The following KCNT2 variants were observed in gnomAD, a reference collection of about 807,000 sequenced individuals.
The protein encoded by KCNT2 is potassium channel subfamily T member 2.
A neutral mutation model predicts 153.8 loss-of-function variants in KCNT2; 67 were observed. That is an observed-to-expected ratio of 0.44 (90% CI 0.36 to 0.53). The LOEUF is 0.53. Among genes scored for constraint, KCNT2 ranks in the 20% least tolerant of loss-of-function variants. The pLI, the probability that KCNT2 is intolerant of heterozygous loss-of-function variation, is 0.00. For missense variants in KCNT2, 975 were observed against 1,354.8 expected, an observed-to-expected ratio of 0.72 and a Z score of 4.40; for synonymous variants, 500 against 458.8, an observed-to-expected ratio of 1.09 and a Z score of -1.15.
chr1:196,449,738 G>A (rs1012170393), intron 8 of KCNT2, among the ~76,000 whole-genome samples: 1 of 151,366 alleles, frequency 6.6e-6, no homozygotes, highest in Non-Finnish European at 1.5e-5. Context: ...TCATTATAAG[G>A]ACTCTATACT....
intron 26 of KCNT2, among the ~76,000 whole-genome samples, chr1:196,246,104 A>G (rs537211885): frequency 5.8e-4 from 89 of 152,302 alleles, no homozygotes; most frequent in Admixed American, 2.6e-3. Flanking sequence ...AGCAAGAGAA[A>G]AGAAACAACA....
At chr1:196,326,238 C>G (rs1048867240) in intron 19 of KCNT2, among the ~76,000 whole-genome samples, 3 of 151,968 alleles carry the variant, frequency 2.0e-5, no homozygotes, top group African/African-American at 7.2e-5. Context: ...TCTATTATGT[C>G]ATAGAATGTA....
chr1:196,353,100 A>G (rs1171293042), intron 14 of KCNT2, among the ~76,000 whole-genome samples: 1 of 151,936 alleles, frequency 6.6e-6, no homozygotes, highest in East Asian at 1.9e-4. Flanking sequence ...CTCACGCGCA[A>G]GAGTATGGGC....
chr1:196,429,503 T>C, intron 9 of KCNT2, 74 bp downstream of exon 9: 2 of 977,220 alleles, frequency 2.0e-6, no homozygotes, highest in Non-Finnish European at 2.9e-6. Context: ...CCACTTTCCA[T>C]TTCTTATTAA....
rs747959439 is a variant in KCNT2, at chr1:196,342,165, G to A, written c.1467C>T (p.Val489=). 8 of 1,611,674 alleles carry A rather than the reference G, an allele frequency of 5.0e-6. No individual in the cohort carries two copies. Among genetic ancestry groups the A allele is most frequent in the Non-Finnish European group, 5.9e-6 (7 of 1,178,984 alleles). ...TACTTTCTTCCAAAACAATGTGGTA[G>A]ACTTCATTCCCGGAGCATCTACCGT... ...KMYGRCSGNE[V]YHIVLEESTF... Residue 489 remains valine (V), a synonymous_variant, in exon 15 of 28, where the codon GTC becomes GTT. Coordinates refer to ENST00000294725, the MANE Select transcript of KCNT2 (RefSeq NM_198503.5).
intron 1 of KCNT2, among the ~76,000 whole-genome samples, chr1:196,501,836 G>C (rs932356699): frequency 1.3e-5 from 2 of 152,094 alleles, no homozygotes; most frequent in African/African-American, 4.8e-5. Flanking sequence ...AGGTAGTTTT[G>C]GGCCGGGAGC....
chr1:196,375,712 A>G (rs1011560925), intron 13 of KCNT2, among the ~76,000 whole-genome samples: 4 of 151,674 alleles, frequency 2.6e-5, no homozygotes, highest in Non-Finnish European at 5.9e-5. Context: ...TCTGAATTTC[A>G]TTTCAAAATA....
At chr1:196,461,206 T>A (rs1677120339) in intron 8 of KCNT2, among the ~76,000 whole-genome samples, 1 of 149,948 alleles carries the variant, frequency 6.7e-6, no homozygotes, top group South Asian at 2.1e-4. Context: ...AAGCATCCAG[T>A]GTTTAAATAG....
intron 26 of KCNT2, chr1:196,257,224 C>T (rs892859244): frequency 1.6e-5 from 16 of 984,594 alleles, no homozygotes; most frequent in Non-Finnish European, 1.8e-5. Flanking sequence ...GAGTAGCACA[C>T]ATAGCATGCT....
At chr1:196,249,336 C>A (rs1288975754) in intron 26 of KCNT2, among the ~76,000 whole-genome samples, 1 of 152,096 alleles carries the variant, frequency 6.6e-6, no homozygotes, top group Non-Finnish European at 1.5e-5. Flanking sequence ...AAAGAAAGGT[C>A]ATTCAAATTG....
intron 1 of KCNT2, among the ~76,000 whole-genome samples, chr1:196,587,611 T>G (rs573235873): frequency 6.6e-6 from 1 of 152,210 alleles, no homozygotes; most frequent in Non-Finnish European, 1.5e-5. Context: ...CTATAAGATT[T>G]AGCTTTGTAG....
chr1:196,285,211 G>T (rs1313346225), intron 23 of KCNT2, among the ~76,000 whole-genome samples: 1 of 152,122 alleles, frequency 6.6e-6, no homozygotes, highest in Non-Finnish European at 1.5e-5. Context: ...GCAATAATCA[G>T]CAGATTCTTA....
At chr1:196,316,169 A>T in intron 20 of KCNT2, 143 bp from the exon 21 acceptor site, 1 of 476,276 alleles carries the variant, frequency 2.1e-6, no homozygotes, top group East Asian at 3.4e-5. Flanking sequence ...GTAGCTATTA[A>T]AGGGAATTAT....
At chr1:196,559,506 G>C (rs1231253176) in intron 1 of KCNT2, among the ~76,000 whole-genome samples, 1 of 151,694 alleles carries the variant, frequency 6.6e-6, no homozygotes, top group South Asian at 2.1e-4. Context: ...TGGTCAAAGA[G>C]TAGAACATTT....
chr1:196,288,047 T>A (rs1659832746), intron 22 of KCNT2, among the ~76,000 whole-genome samples: 1 of 151,854 alleles, frequency 6.6e-6, no homozygotes, highest in African/African-American at 2.4e-5. Flanking sequence ...GACCTAAAAT[T>A]GAGTAGAAAT....
intron 8 of KCNT2, among the ~76,000 whole-genome samples, chr1:196,432,520 A>G (rs1397976868): frequency 2.0e-5 from 3 of 152,134 alleles, no homozygotes; most frequent in Non-Finnish European, 4.4e-5. Flanking sequence ...GTGTGACCAG[A>G]AGTCAAGACA....
intron 1 of KCNT2, among the ~76,000 whole-genome samples, chr1:196,566,465 A>G (rs1660128516): frequency 6.6e-6 from 1 of 152,126 alleles, no homozygotes; most frequent in South Asian, 2.1e-4. Flanking sequence ...AGATATGTTT[A>G]TGAGTAGGAA....
At chr1:196,516,165 C>A (rs1682034191) in intron 1 of KCNT2, among the ~76,000 whole-genome samples, 1 of 152,142 alleles carries the variant, frequency 6.6e-6, no homozygotes. Context: ...CAGGATAAGA[C>A]CCACTGGCTT....
At chr1:196,576,069 GTT>G (rs1558096373) in intron 1 of KCNT2, among the ~76,000 whole-genome samples, 2 of 63,094 alleles carry the variant, frequency 3.2e-5, no homozygotes, top group Non-Finnish European at 6.9e-5. Flanking sequence ...AGTGTGTTAG[GTT>G]TTATATATAT....
Sources: allele counts gnomAD v4.1 joint callset (sites outside exome capture counted in the v4.1 genomes callset), GRCh38; gene constraint gnomAD v4.1.1; transcripts MANE v1.5; gene names NCBI Gene and HGNC (gene_info 2026-07-23, HGNC 2026-07-21).